Variants in SLC17A5 observed in about 807,000 individuals in gnomAD.
The protein encoded by SLC17A5 is sialin.
Under a neutral mutation model 59.4 loss-of-function variants are expected in SLC17A5, and 47 were observed. The observed-to-expected ratio is 0.79, with a 90% CI of 0.63 to 1.01. The LOEUF is 1.01. Ranked by LOEUF, SLC17A5 falls within the 50% of genes least tolerant of loss-of-function variation. The probability of loss-of-function intolerance (pLI) is 0.00; values close to 1 mark genes in which losing one functional copy is unlikely to be tolerated. For missense variants in SLC17A5, 522 were observed against 595.5 expected (o/e 0.88, Z 1.28); for synonymous variants, 202 against 210.7 (o/e 0.96, Z 0.36).
Position 73,653,833 on chromosome 6 carries a change from G to A in SLC17A5, c.54C>T (p.Asp18=), listed in dbSNP as rs1288912233. The A allele has an allele frequency of 6.2e-7, 1 of 1,604,474 alleles. No homozygotes were observed. The highest frequency in any genetic ancestry group is 1.3e-5 in the African/African-American group (1 of 74,790). The part of the protein sequence containing the change: ...LARNDGEEST[D]RTPLLPGAPR... ...GGGCGCCCGGTAGAAGAGGCGTGCGGTCCGTGCTCTCCTCGCCATCGTTCC... is the reference window on the plus strand; with the variant it reads ...GGGCGCCCGGTAGAAGAGGCGTGCGATCCGTGCTCTCCTCGCCATCGTTCC... The change falls in exon 1 of 11, where the codon GAC becomes GAT. Residue 18 remains aspartate, a synonymous_variant. Transcript: ENST00000355773.
At chr6:73,621,460 G>A (rs896149098) in intron 7 of SLC17A5, among the ~76,000 whole-genome samples, 1 of 152,188 alleles carries the variant, frequency 6.6e-6, no homozygotes, top group African/African-American at 2.4e-5. Flanking sequence ...ATCCTTACAT[G>A]TGCTTATTGG....
At chr6:73,640,153 T>A (rs931110790) in intron 3 of SLC17A5, among the ~76,000 whole-genome samples, 2 of 152,194 alleles carry the variant, frequency 1.3e-5, no homozygotes, top group Non-Finnish European at 2.9e-5. Flanking sequence ...AAACTGGAAG[T>A]AAAATATGGG....
chr6:73,613,099 G>A (rs1240037634), intron 8 of SLC17A5, among the ~76,000 whole-genome samples: 1 of 151,982 alleles, frequency 6.6e-6, no homozygotes, highest in African/African-American at 2.4e-5. Context: ...ATTATTTATG[G>A]GTTCTTTGAG....
At position 73,615,180 on chromosome 6, in the gene SLC17A5, G is replaced by C. The variant is rs576921325; in HGVS notation, c.1111+135C>G. ...ATCCCCACAAACATTTTGGTGATTA[G>C]AGCGAGGTGTTCTGTGTTGAGTATT... On this transcript the variant is annotated intron_variant, in intron 8 of 10. Transcript: ENST00000355773. The C allele has an allele frequency of 3.0e-6, 3 of 986,622 alleles. No homozygotes were observed. The East Asian group carries it at 7.7e-5, about 25-fold the overall frequency. The allele number at this position is 986,622 out of a possible 1,614,324, so 61.1% of individuals were successfully genotyped here.
At chr6:73,608,254 A>G (rs1370838160) in intron 9 of SLC17A5, among the ~76,000 whole-genome samples, 1 of 152,116 alleles carries the variant, frequency 6.6e-6, no homozygotes, top group Non-Finnish European at 1.5e-5. Flanking sequence ...AAGTCACATG[A>G]TATTCTCTTG....
In SLC17A5 at chr6:73,616,689, A is replaced by G. The variant is rs550011260; in HGVS notation, c.979-1242T>C. 4.6e-5 allele frequency among the ~76,000 whole-genome samples: 7 copies of G among 151,010 alleles called. No individual in the cohort carries two copies. In the South Asian group the frequency reaches 1.5e-3, roughly 32 times the overall value. On this transcript the variant is annotated intron_variant, in intron 7 of 10. Coordinates refer to ENST00000355773, the MANE Select transcript of SLC17A5 (RefSeq NM_012434.5). ...AGTGGCGTGATCTTGGCTCATTGCA[A>G]CCTCCACCTTCTGGGTTCCAGCAAT...
intron 4 of SLC17A5, among the ~76,000 whole-genome samples, chr6:73,637,178 A>C (rs1359855184): frequency 3.9e-5 from 6 of 152,222 alleles, no homozygotes; most frequent in Admixed American, 2.6e-4. Flanking sequence ...GGAAGTAGTA[A>C]AGCAGAGAGT....
intron 1 of SLC17A5, chr6:73,652,943 A>G (rs1447258251): frequency 3.2e-5 from 20 of 617,650 alleles, no homozygotes; most frequent in Non-Finnish European, 4.0e-5. Context: ...TTTTAAATAA[A>G]CTATATTACA....
chr6:73,625,953 A>T (rs1768389796), intron 6 of SLC17A5, among the ~76,000 whole-genome samples: 1 of 152,216 alleles, frequency 6.6e-6, no homozygotes, highest in Admixed American at 6.6e-5. Flanking sequence ...TCTTGATTGA[A>T]AAGCTCAGGG....
rs1354910507 is a variant in SLC17A5 at position 73,610,518 on chromosome 6, C to G, written c.1141G>C (p.Ala381Pro). The part of the protein sequence containing the change: ...GMIGPAVFLV[A>P]AGFIGCDYSL... ...TAATCACAGCCAATGAAGCCAGCAG[C>G]TACCAGGAATACTGCAGGTCCAATC... Residue 381 changes from alanine to proline, a missense_variant, in exon 9 of 11, where the codon GCT (alanine) becomes CCT (proline). Ala to Pro is a conservative substitution (Grantham distance 27). Around this residue, in one of 3 missense-constraint regions of SLC17A5, gnomAD observed 153 missense variants for 168.5 expected, o/e 0.91. Coordinates refer to ENST00000355773, the MANE Select transcript of SLC17A5 (RefSeq NM_012434.5). 12 of 1,613,972 alleles carry G rather than the reference C, an allele frequency of 7.4e-6. No homozygotes were observed. Among genetic ancestry groups the G allele is most frequent in the Non-Finnish European group, 1.0e-5 (12 of 1,180,020 alleles).
intron 10 of SLC17A5, among the ~76,000 whole-genome samples, chr6:73,597,349 C>T (rs1334000732): frequency 6.6e-6 from 1 of 151,862 alleles, no homozygotes; most frequent in South Asian, 2.1e-4. Context: ...CACCTGTAAT[C>T]CCAGCTACTT....
chr6:73,645,226 G>C (rs757503232), intron 1 of SLC17A5: 27 of 510,470 alleles, frequency 5.3e-5, no homozygotes, highest in Non-Finnish European at 6.3e-5. Context: ...GTTAAATGTA[G>C]CATAGCAAAA....
intron 6 of SLC17A5, among the ~76,000 whole-genome samples, chr6:73,631,980 A>G (rs1768741081): frequency 6.9e-6 from 1 of 145,258 alleles, no homozygotes; most frequent in African/African-American, 2.5e-5. Context: ...TCATTTTACA[A>G]CACTGTCAAC....
At position 73,653,905 on chromosome 6, in the gene SLC17A5, T is replaced by G; in HGVS notation, c.-19A>C. On this transcript the variant is annotated 5_prime_UTR_variant, in exon 1 of 11. Transcript: ENST00000355773. ...ACCTCATGACGCCTACGTGAGCAGG[T>G]GTACTCGCCACCTGGCAGAGAAGGG... 1 of 1,590,708 alleles carries G rather than the reference T, an allele frequency of 6.3e-7. No homozygotes were observed. Among genetic ancestry groups the G allele is most frequent in the South Asian group, 1.1e-5 (1 of 88,168 alleles).
chr6:73,629,636 G>A (rs1260391976), intron 6 of SLC17A5, among the ~76,000 whole-genome samples: 2 of 151,692 alleles, frequency 1.3e-5, no homozygotes, highest in South Asian at 2.1e-4. Context: ...TTAGCTGGGC[G>A]TGGTGGTGCA....
chr6:73,621,126 C>T (rs555836106), intron 7 of SLC17A5, among the ~76,000 whole-genome samples: 2 of 152,226 alleles, frequency 1.3e-5, no homozygotes, highest in South Asian at 4.1e-4. Context: ...CTGCCTCAAC[C>T]TCTCGAGTAG....
chr6:73,643,212 T>C (rs1408522918), intron 2 of SLC17A5, among the ~76,000 whole-genome samples: 1 of 151,780 alleles, frequency 6.6e-6, no homozygotes, highest in African/African-American at 2.4e-5. Flanking sequence ...CAGGCTGGAG[T>C]GCAGTGGCGC....
chr6:73,606,494 TATG>T (rs1274507437), intron 9 of SLC17A5, among the ~76,000 whole-genome samples: 7 of 152,218 alleles, frequency 4.6e-5, no homozygotes, highest in African/African-American at 1.7e-4. Flanking sequence ...TTTAGCTTCT[TATG>T]ATATCTAGAT....
At position 73,627,922 on chromosome 6, in the gene SLC17A5, C is replaced by CTTTT. The variant is rs10672268; in HGVS notation, c.820-5964_820-5961dup. Among the ~76,000 whole-genome samples the CTTTT allele has an allele frequency of 3.4e-4, 48 of 140,882 alleles. 1 individual carries two copies. The highest frequency in any genetic ancestry group is 6.5e-4 in the Non-Finnish European group (42 of 64,682). The allele number at this position is 140,882 out of a possible 152,430, so 92.4% of individuals were successfully genotyped here. ...CAGGCGTGAGCCACTGTGCCTGCCA[C>CTTTT]TTTTTTTTTTTTTTTTGAGACAGGG... On this transcript the variant is annotated intron_variant, in intron 6 of 10. Coordinates refer to ENST00000355773, the MANE Select transcript of SLC17A5 (RefSeq NM_012434.5).
Sources: gnomAD v4.1 joint callset for allele counts (sites outside exome capture counted in the v4.1 genomes callset) on GRCh38, gnomAD v4.1.1 for gene constraint, gnomAD v4.1.1 regional missense constraint, MANE v1.5 for transcripts, NCBI Gene and HGNC (gene_info 2026-07-23, HGNC 2026-07-21) for gene names.